Variants in SLC39A10 observed in about 807,000 individuals in gnomAD.
SLC39A10 encodes the protein solute carrier family 39 member 10, also known as zinc transporter ZIP10.
Under a neutral mutation model 65.1 loss-of-function variants are expected in SLC39A10, and 13 were observed. That is an observed-to-expected ratio of 0.20 (90% CI 0.13 to 0.32). The LOEUF (loss-of-function observed/expected upper bound fraction) is 0.32. Ranked by LOEUF, SLC39A10 falls within the 10% of genes least tolerant of loss-of-function variation. The pLI is 1.00. For missense variants in SLC39A10, 831 were observed against 1,018.4 expected (o/e 0.82, Z 2.50); for synonymous variants, 321 against 342.2 (o/e 0.94, Z 0.68).
intron 1 of SLC39A10, among the ~76,000 whole-genome samples, chr2:195,662,196 A>G (rs531254361): frequency 6.6e-6 from 1 of 152,264 alleles, no homozygotes; most frequent in South Asian, 2.1e-4. Context: ...ATTTTCATTG[A>G]ATAAAGGAAG....
At chr2:195,657,466 G>C (rs1458879759) in intron 1 of SLC39A10, 185 bp downstream of exon 1, 1 of 985,786 alleles carries the variant, frequency 1.0e-6, no homozygotes, top group African/African-American at 1.7e-5. Flanking sequence ...GCGGCGGCCA[G>C]CCGAAGCAGA....
At chr2:195,645,589 A>G (rs1387712509) in intron 2 of SLC39A10, among the ~76,000 whole-genome samples, 1 of 152,020 alleles carries the variant, frequency 6.6e-6, no homozygotes, top group Non-Finnish European at 1.5e-5. Context: ...CCCATTCCCC[A>G]TTTCTTTCTA....
At chr2:195,663,824 A>T (rs1279474636) in intron 1 of SLC39A10, among the ~76,000 whole-genome samples, 1 of 148,606 alleles carries the variant, frequency 6.7e-6, no homozygotes, top group African/African-American at 2.5e-5. Flanking sequence ...TTTTAGATTC[A>T]GGGGGTACAT....
chr2:195,662,564 G>A (rs539446221), intron 1 of SLC39A10, among the ~76,000 whole-genome samples: 2 of 152,208 alleles, frequency 1.3e-5, no homozygotes, highest in African/African-American at 4.8e-5. Context: ...ATGAGCCACC[G>A]TGCCCAGCCT....
chr2:195,640,019 A>C (rs1688772926), intron 2 of SLC39A10, among the ~76,000 whole-genome samples: 1 of 152,212 alleles, frequency 6.6e-6, no homozygotes, highest in Non-Finnish European at 1.5e-5. Flanking sequence ...TATAATCCAA[A>C]ACTGTTTATT....
At chr2:195,691,333 A>G (rs1472167344) in intron 3 of SLC39A10, among the ~76,000 whole-genome samples, 2 of 152,144 alleles carry the variant, frequency 1.3e-5, no homozygotes, top group Non-Finnish European at 2.9e-5. Flanking sequence ...ACGTGTGTCC[A>G]AGTATTCTAG....
chr2:195,683,086 A>C (rs1678435539), intron 2 of SLC39A10, among the ~76,000 whole-genome samples: 1 of 149,330 alleles, frequency 6.7e-6, no homozygotes, highest in South Asian at 2.1e-4. Context: ...CTTGTTTGCT[A>C]TTTGTTTTCT....
rs756413454 is a variant in SLC39A10 at position 195,716,844 on chromosome 2, T to G, written c.1904T>G (p.Val635Gly). 2 of 1,614,156 alleles carry G rather than the reference T, an allele frequency of 1.2e-6. No individual in the cohort carries two copies. The highest frequency in any genetic ancestry group is 1.7e-6 in the Non-Finnish European group (2 of 1,180,004). The change falls in exon 7 of 10, where the codon GTG (valine) becomes GGG (glycine). Residue 635 changes from valine (V) to glycine (G), a missense_variant. Val to Gly is a moderately radical substitution (Grantham distance 109). Transcript: ENST00000359634. ...AACCACCACGGCGAGAACAAAACTGTGCTGAGGAAGCATAATCACCAGTGG... is the reference window on the plus strand; with the variant it reads ...AACCACCACGGCGAGAACAAAACTGGGCTGAGGAAGCATAATCACCAGTGG... Reference protein sequence around the residue: ...AHNHHGENKTVLRKHNHQWHH... With the variant: ...AHNHHGENKTGLRKHNHQWHH...
chr2:195,615,282 T>A (rs1379458536), intron 2 of SLC39A10, among the ~76,000 whole-genome samples: 1 of 152,158 alleles, frequency 6.6e-6, no homozygotes, highest in Non-Finnish European at 1.5e-5. Context: ...TTAACAAATC[T>A]CCAGGTAATG....
intron 1 of SLC39A10, chr2:195,657,533 TGCGGGCCGCGGGATC>T (rs1689197442): frequency 1.0e-6 from 1 of 985,294 alleles, no homozygotes; most frequent in South Asian, 4.7e-5. Flanking sequence ...TCTGGGCTGC[TGCGGGCCGCGGGATC>T]GGGAGCCGGC....
At chr2:195,655,813 G>A (rs1017014686), upstream of SLC39A10, among the ~76,000 whole-genome samples, 5 of 152,310 alleles carry the variant, frequency 3.3e-5, no homozygotes, top group Middle Eastern at 3.4e-3. Context: ...ACTACGTATG[G>A]CAATCAGTAG....
intron 1 of SLC39A10, chr2:195,670,470 A>G (rs1164246468): frequency 6.6e-6 from 1 of 152,190 alleles, no homozygotes; most frequent in African/African-American, 2.4e-5. Flanking sequence ...GTGCTGCTGA[A>G]GCACACACCC....
intron 3 of SLC39A10, among the ~76,000 whole-genome samples, chr2:195,702,856 T>C (rs957314501): frequency 1.3e-5 from 2 of 152,200 alleles, no homozygotes; most frequent in African/African-American, 2.4e-5. Flanking sequence ...ATGTCTGTGG[T>C]GTTGAGTATT....
intron 2 of SLC39A10, among the ~76,000 whole-genome samples, chr2:195,650,123 A>G (rs1408292552): frequency 6.6e-6 from 1 of 152,118 alleles, no homozygotes; most frequent in Non-Finnish European, 1.5e-5. Context: ...TACACTAAAA[A>G]TACAAAAAAT....
At chr2:195,655,642 A>G (rs1043470992), upstream of SLC39A10, among the ~76,000 whole-genome samples, 1 of 152,186 alleles carries the variant, frequency 6.6e-6, no homozygotes, top group South Asian at 2.1e-4. Context: ...GACCACAGCT[A>G]TTGTCTCACA....
chr2:195,625,432 C>T (rs1688452370), intron 2 of SLC39A10, among the ~76,000 whole-genome samples: 1 of 151,608 alleles, frequency 6.6e-6, no homozygotes, highest in African/African-American at 2.4e-5. Context: ...CCTGCCACCA[C>T]GCCCGGCTAA....
chr2:195,732,734 ATAG>A (rs1188521722), intron 9 of SLC39A10, among the ~76,000 whole-genome samples: 3 of 152,210 alleles, frequency 2.0e-5, no homozygotes, highest in African/African-American at 7.2e-5. Context: ...GAAGGGCCAG[ATAG>A]TAGATGGTTT....
intron 9 of SLC39A10, 39 bp from the exon 10 acceptor site, chr2:195,734,844 G>C (rs772661269): frequency 1.7e-5 from 26 of 1,549,178 alleles, no homozygotes; most frequent in Admixed American, 4.1e-5. Context: ...TTGAGCAGAA[G>C]TATTATACAA....
chr2:195,688,664 C>G (rs1234430831), intron 3 of SLC39A10, among the ~76,000 whole-genome samples: 1 of 152,076 alleles, frequency 6.6e-6, no homozygotes, highest in Non-Finnish European at 1.5e-5. Context: ...TAGTTGCAAT[C>G]TACAGAAAAT....
Sources: allele counts gnomAD v4.1 joint callset (sites outside exome capture counted in the v4.1 genomes callset), GRCh38; gene constraint gnomAD v4.1.1; transcripts MANE v1.5; gene names NCBI Gene and HGNC (gene_info 2026-07-23, HGNC 2026-07-21).